FER1L5: variants seen among roughly 807,000 people sequenced by gnomAD.
FER1L5 encodes the protein fer-1 like family member 5.
Under a neutral mutation model 279.9 loss-of-function variants are expected in FER1L5, and 187 were observed. The ratio of observed to expected loss-of-function variants is 0.67; its 90% CI spans 0.59 to 0.75. The LOEUF (loss-of-function observed/expected upper bound fraction) is 0.75, where lower values mean the gene tolerates loss of function less well. Among genes scored for constraint, FER1L5 ranks in the 30% least tolerant of loss-of-function variants. The probability of loss-of-function intolerance (pLI) is 0.00; values close to 1 mark genes in which losing one functional copy is unlikely to be tolerated. For missense variants in FER1L5, 2,091 were observed against 2,594.4 expected (o/e 0.81, Z 4.21); for synonymous variants, 921 against 989.7 (o/e 0.93, Z 1.30).
Position 96,694,257 on chromosome 2 carries a change from A to G in FER1L5, c.3637-103A>G. 1 of 1,308,274 alleles carries G rather than the reference A, an allele frequency of 7.6e-7. No homozygotes were observed. The highest frequency in any genetic ancestry group is 1.0e-6 in the Non-Finnish European group (1 of 972,614). The allele number at this position is 1,308,274 out of a possible 1,614,324, so 81.0% of individuals were successfully genotyped here. ...TAAGTCCCCCTGCCAGCCCCTACCC[A>G]TGGGGCTCTGGGCTCGGTGAGGCCT... On this transcript the variant is annotated intron_variant, in intron 33 of 52. Coordinates refer to ENST00000624922, the MANE Select transcript of FER1L5 (RefSeq NM_001293083.2). This position sits in a 1 kb window ranked among gnomAD's most constrained non-coding sequence, Gnocchi z 4.6.
intron 24 of FER1L5, 119 bp downstream of exon 24, chr2:96,688,066 C>T (rs2077000404): frequency 7.5e-7 from 1 of 1,327,480 alleles, no homozygotes; most frequent in South Asian, 1.4e-5. Flanking sequence ...GAGGGTGTAG[C>T]TGCAGTAGCC....
intron 19 of FER1L5, among the ~76,000 whole-genome samples, chr2:96,681,546 T>A (rs116052219): frequency 0.025 from 3,852 of 151,978 alleles, 61 homozygotes; most frequent in African/African-American, 0.046. Context: ...AAATAATAAT[T>A]ATTATTTTTT....
chr2:96,675,262 A>G (rs2076469328), intron 19 of FER1L5, among the ~76,000 whole-genome samples: 1 of 152,142 alleles, frequency 6.6e-6, no homozygotes, highest in African/African-American at 2.4e-5. Flanking sequence ...TCTCCTGGTT[A>G]CAAGTGCAAG....
At position 96,702,657 on chromosome 2, in the gene FER1L5, G is replaced by A; in HGVS notation, c.5313G>A (p.Leu1771=). Residue 1771 remains leucine (L), a synonymous_variant, in exon 48 of 53, where the codon CTG becomes CTA. Coordinates refer to ENST00000624922, the MANE Select transcript of FER1L5 (RefSeq NM_001293083.2). This position sits in a 1 kb window ranked among gnomAD's most constrained non-coding sequence, Gnocchi z 4.0. ...MQKTDIHYHS[L]TGEADFNWRF... is the part of the protein sequence containing the mutation. ...AGACAGACATCCACTACCACTCGCT[G>A]ACTGGGGAGGCCGACTTCAACTGGC... 1.2e-6 allele frequency: 2 copies of A among 1,608,568 alleles called. No homozygotes were observed. Among genetic ancestry groups the A allele is most frequent in the Non-Finnish European group, 1.7e-6 (2 of 1,177,432 alleles).
At chr2:96,703,397 G>C in intron 50 of FER1L5, 51 bp downstream of exon 50, 1 of 1,596,604 alleles carries the variant, frequency 6.3e-7, no homozygotes, top group Non-Finnish European at 8.5e-7. Flanking sequence ...CACATGTCCT[G>C]GCTCTAACAG....
intron 14 of FER1L5, among the ~76,000 whole-genome samples, chr2:96,667,813 C>T (rs976186716): frequency 1.3e-5 from 2 of 152,194 alleles, no homozygotes; most frequent in African/African-American, 4.8e-5. Flanking sequence ...AGCCCACAGT[C>T]AGGGCAGACT....
chr2:96,701,891 C>T, intron 45 of FER1L5, 64 bp from the exon 46 acceptor site: 2 of 1,541,798 alleles, frequency 1.3e-6, no homozygotes, highest in South Asian at 1.1e-5. Flanking sequence ...ACAGGGAACC[C>T]CAGGCCAGCC....
Position 96,691,512 on chromosome 2 carries a change from C to T in FER1L5, c.2975C>T (p.Pro992Leu). The stretch of plus-strand genomic sequence containing the variant: ...TTCGGCTCCAAGTTCCACCTCAACC[C>T]TCAGCCCCAGAGCCGGTTCCGCCGC... ...DTFGSKFHLN[P>L]QPQSRFRRRC... The change falls in exon 29 of 53, where the codon CCT becomes CTT. Residue 992 changes from proline to leucine, a missense_variant. Physicochemically the swap from Pro to Leu is moderately conservative, Grantham distance 98. Coordinates refer to ENST00000624922, the MANE Select transcript of FER1L5 (RefSeq NM_001293083.2). The surrounding 1 kb of genome is among the most constrained non-coding windows in gnomAD (Gnocchi z 6.0). The T allele has an allele frequency of 1.3e-6, 2 of 1,550,408 alleles. No individual in the cohort carries two copies. Among genetic ancestry groups the T allele is most frequent in the South Asian group, 2.4e-5 (2 of 83,874 alleles).
In FER1L5 at chr2:96,696,774, G is replaced by A. The variant is rs187080162; in HGVS notation, c.4083+697G>A. Among the ~76,000 whole-genome samples, 549 of 152,236 alleles carry A rather than the reference G, an allele frequency of 3.6e-3. 3 individuals are homozygous for A. The highest frequency in any genetic ancestry group is 0.013 in the African/African-American group (524 of 41,546). ...AAAAAAATTAGCTGAGCATGCTGGTGCATACCTGTAATTCTAGCTACTATG... is the reference window on the plus strand; with the variant it reads ...AAAAAAATTAGCTGAGCATGCTGGTACATACCTGTAATTCTAGCTACTATG... On this transcript the variant is annotated intron_variant, in intron 37 of 52. Transcript: ENST00000624922.
chr2:96,647,678 C>A, intron 3 of FER1L5, 100 bp from the exon 4 acceptor site: 2 of 833,666 alleles, frequency 2.4e-6, no homozygotes, highest in Non-Finnish European at 3.9e-6. Context: ...GACAGCACAG[C>A]CCTGGGAGGA....
chr2:96,686,585 G>A (rs747835444), intron 23 of FER1L5, among the ~76,000 whole-genome samples: 1 of 151,908 alleles, frequency 6.6e-6, no homozygotes, highest in Non-Finnish European at 1.5e-5. Context: ...CGCTGGGCAC[G>A]GTGGCTCACA....
intron 8 of FER1L5, 162 bp downstream of exon 8, chr2:96,653,864 C>T: frequency 3.3e-6 from 2 of 604,236 alleles, no homozygotes; most frequent in Non-Finnish European, 2.9e-6. Flanking sequence ...ATTATTCATT[C>T]ATTTACTCAT....
chr2:96,660,269 G>A, intron 9 of FER1L5, 72 bp from the exon 10 acceptor site: 2 of 1,511,028 alleles, frequency 1.3e-6, no homozygotes, highest in Non-Finnish European at 1.8e-6. Flanking sequence ...TAGCAGTTGG[G>A]TCAGGTTAGT....
intron 9 of FER1L5, among the ~76,000 whole-genome samples, chr2:96,659,474 T>TTTCCTTCTTTCC: frequency 3.4e-5 from 1 of 29,676 alleles, no homozygotes; most frequent in East Asian, 7.9e-4. Flanking sequence ...TCTTTCTTTC[T>TTTCCTTCTTTCC]TTCTTTCTTT....
Position 96,704,464 on chromosome 2 carries a change from C to T in FER1L5, c.5950-4C>T, listed in dbSNP as rs1488078260. 6.2e-7 allele frequency: 1 copy of T among 1,613,966 alleles called. No homozygotes were observed. Among genetic ancestry groups the T allele is most frequent in the East Asian group, 2.2e-5 (1 of 44,890 alleles). The stretch of plus-strand genomic sequence containing the variant: ...CCAGGCTAACTGTTGTCTGTTCTCT[C>T]TAGCACTATTTGGCCATGAGCTGGA... On this transcript the variant is annotated splice_region_variant and splice_polypyrimidine_tract_variant and intron_variant, in intron 52 of 52. Transcript: ENST00000624922.
rs1024250674 is a variant in FER1L5, at chr2:96,675,409, C to CT, written c.1669+2161dup. On this transcript the variant is annotated intron_variant, in intron 19 of 52. Coordinates refer to ENST00000624922, the MANE Select transcript of FER1L5 (RefSeq NM_001293083.2). ...TCACCAGTACTTGATATTGCCCAGC[C>CT]TTTTTTAAAAAAATAATTAATTAAT... is the stretch of plus-strand genomic sequence containing the variant. 1.4e-4 allele frequency among the ~76,000 whole-genome samples: 22 copies of CT among 152,122 alleles called. No homozygotes were observed. In the South Asian group the frequency reaches 4.2e-3, roughly 29 times the overall value.
Position 96,698,675 on chromosome 2 carries a change from T to C in FER1L5, c.4361T>C (p.Leu1454Pro). Residue 1454 changes from leucine to proline, a missense_variant, in exon 41 of 53, where the codon CTT becomes CCT. Transcript: ENST00000624922. The surrounding 1 kb of genome is among the most constrained non-coding windows in gnomAD (Gnocchi z 5.5). Reference protein sequence around the residue: ...DSPVVGEFKGLFRIYPFPENP... With the variant: ...DSPVVGEFKGPFRIYPFPENP... Reference sequence around the variant, plus strand: ...CCAACACCCTCCCCCCGCCAGGGCCTTTTCCGCATCTACCCCTTTCCTGAG... The same window carrying C: ...CCAACACCCTCCCCCCGCCAGGGCCCTTTCCGCATCTACCCCTTTCCTGAG... 1 of 1,583,810 alleles carries C rather than the reference T, an allele frequency of 6.3e-7. No homozygotes were observed.
chr2:96,700,461 G>A lies in FER1L5; in HGVS notation c.5060G>A (p.Gly1687Asp), dbSNP rs2077549273. The change falls in exon 45 of 53, where the codon GGC (glycine) becomes GAC (aspartate). Residue 1687 changes from glycine (G) to aspartate (D), a missense_variant. Gly to Asp is a moderately conservative substitution (Grantham distance 94). Coordinates refer to ENST00000624922, the MANE Select transcript of FER1L5 (RefSeq NM_001293083.2). ...TRTLYSHSQP[G>D]IDQGKVQMWV... ...ACACTGTACAGCCACAGCCAGCCAG[G>A]CATCGACCAGGTATGAGACTGGAGG... is the stretch of plus-strand genomic sequence containing the variant. 2 of 1,613,358 alleles carry A rather than the reference G, an allele frequency of 1.2e-6. No individual in the cohort carries two copies. Among genetic ancestry groups the A allele is most frequent in the Non-Finnish European group, 1.7e-6 (2 of 1,179,894 alleles).
chr2:96,676,721 G>T (rs2076523849), intron 19 of FER1L5, among the ~76,000 whole-genome samples: 1 of 148,532 alleles, frequency 6.7e-6, no homozygotes, highest in African/African-American at 2.5e-5. Context: ...TTACAATATT[G>T]ACCCTTAACT....
Sources: gnomAD v4.1 joint callset for allele counts (sites outside exome capture counted in the v4.1 genomes callset) on GRCh38, gnomAD v4.1.1 for gene constraint, Gnocchi (gnomAD v3.1) non-coding constraint, MANE v1.5 for transcripts, NCBI Gene and HGNC (gene_info 2026-07-23, HGNC 2026-07-21) for gene names.